The following DMD variants were observed in gnomAD, a reference collection of about 807,000 sequenced individuals.
DMD encodes dystrophin.
DMD carries 63 observed loss-of-function variants against 330.1 expected under a neutral mutation model. The observed-to-expected ratio is 0.19, with a 90% CI of 0.16 to 0.24. The LOEUF is 0.24. Ranked by LOEUF, DMD falls within the 10% of genes least tolerant of loss-of-function variation. The pLI, the probability that DMD is intolerant of heterozygous loss-of-function variation, is 1.00. For synonymous variants in DMD, 1,223 were observed against 959.8 expected, an observed-to-expected ratio of 1.27 and a Z score of -5.07; for missense variants, 3,344 against 2,684.1, an observed-to-expected ratio of 1.25 and a Z score of -5.43.
intron 44 of DMD, among the ~76,000 whole-genome samples, chrX:32,197,000 A>AAAAAAAAAAAAAAAAAAAAAC (rs1557206020): frequency 1.1e-5 from 1 of 93,901 alleles, no homozygotes. Flanking sequence ...AAAAAAAAAA[A>AAAAAAAAAAAAAAAAAAAAAC]AAAAACAAAA....
intron 55 of DMD, among the ~76,000 whole-genome samples, chrX:31,601,743 A>C (rs1603419145): frequency 8.9e-6 from 1 of 111,855 alleles, no homozygotes; most frequent in Non-Finnish European, 1.9e-5. Flanking sequence ...TATTAAAATA[A>C]ATTTTCCCAA....
At chrX:32,827,940 T>C (rs2078863417) in intron 4 of DMD, among the ~76,000 whole-genome samples, 1 of 111,364 alleles carries the variant, frequency 9.0e-6, no homozygotes, top group Non-Finnish European at 1.9e-5. Context: ...AGGTTACAGG[T>C]ATAAGCCACT....
intron 11 of DMD, among the ~76,000 whole-genome samples, chrX:32,626,393 G>A (rs1569335828): frequency 1.0e-5 from 1 of 97,041 alleles, no homozygotes; most frequent in African/African-American, 5.7e-5. Flanking sequence ...ACTTGAACCC[G>A]GGGGGACAGA....
intron 26 of DMD, among the ~76,000 whole-genome samples, chrX:32,454,252 C>T (rs918472269): frequency 9.0e-6 from 1 of 111,310 alleles, no homozygotes; most frequent in Admixed American, 9.5e-5. Context: ...TTTCCAAATT[C>T]TCAGAAATGC....
chrX:32,623,328 C>T (rs1446076808), intron 11 of DMD, among the ~76,000 whole-genome samples: 2 of 111,175 alleles, frequency 1.8e-5, no homozygotes, highest in Non-Finnish European at 3.8e-5. Flanking sequence ...GCACTGATAT[C>T]AGAAGGTGAG....
intron 1 of DMD, among the ~76,000 whole-genome samples, chrX:33,223,660 T>C (rs2052231079): frequency 8.9e-6 from 1 of 112,256 alleles, no homozygotes; most frequent in Non-Finnish European, 1.9e-5. Context: ...AGAAAATCTA[T>C]ATGGGTCTGG....
At chrX:31,937,485 G>T (rs1418701260) in intron 45 of DMD, among the ~76,000 whole-genome samples, 2 of 111,182 alleles carry the variant, frequency 1.8e-5, no homozygotes, top group Non-Finnish European at 3.8e-5. Context: ...AAAACATTTG[G>T]TAGTCATTTC....
At chrX:33,251,919 C>T (rs1162897902) in intron 1 of DMD, among the ~76,000 whole-genome samples, 3 of 112,043 alleles carry the variant, frequency 2.7e-5, no homozygotes, top group African/African-American at 9.7e-5. Context: ...GTTGGGGATA[C>T]CCTTAGAGCT....
intron 61 of DMD, among the ~76,000 whole-genome samples, chrX:31,324,688 T>C (rs776276806): frequency 8.9e-6 from 1 of 112,145 alleles, no homozygotes; most frequent in Non-Finnish European, 1.9e-5. Context: ...GAATTTTCAT[T>C]CTGCTAATAA....
chrX:32,335,908 CGTGTATATATGTATGTTAT>C (rs2097709549), intron 41 of DMD, among the ~76,000 whole-genome samples: 1 of 102,536 alleles, frequency 9.8e-6, no homozygotes, highest in African/African-American at 3.6e-5. Context: ...ATACATATAA[CGTGTATATATGTATGTTAT>C]ATATAACGTG....
chrX:32,362,822 A>G lies in DMD; in HGVS notation c.5291T>C (p.Phe1764Ser), dbSNP rs747367046. ...EPQISELNHR[F>S]AAISHRIKTG... is the part of the protein sequence containing the mutation. ...CTTAATTCTGTGTGAAATGGCTGCA[A>G]ATCGATGGTTGAGCTCTGAGATTTG... Residue 1764 changes from phenylalanine (F) to serine (S), a missense_variant, in exon 37 of 79, where the codon TTT becomes TCT. Physicochemically the swap from Phe to Ser is radical, Grantham distance 155. Transcript: ENST00000357033. 8.3e-7 allele frequency: 1 copy of G among 1,210,604 alleles called. No individual in the cohort carries two copies. Among genetic ancestry groups the G allele is most frequent in the Admixed American group, 2.2e-5 (1 of 45,860 alleles).
chrX:32,101,484 T>C (rs1335173760), intron 44 of DMD, among the ~76,000 whole-genome samples: 1 of 111,965 alleles, frequency 8.9e-6, no homozygotes, highest in Non-Finnish European at 1.9e-5. Context: ...ACCATTGCTA[T>C]TGTAACTATT....
chrX:32,842,814 ATTT>A (rs11304050), intron 4 of DMD, among the ~76,000 whole-genome samples: 1 of 104,583 alleles, frequency 9.6e-6, no homozygotes, highest in Admixed American at 1.0e-4. Flanking sequence ...AATTATTATT[ATTT>A]TTTTTTTTGA....
At chrX:31,207,992 G>A (rs760617775) in intron 65 of DMD, among the ~76,000 whole-genome samples, 1 of 111,079 alleles carries the variant, frequency 9.0e-6, no homozygotes, top group African/African-American at 3.3e-5. Flanking sequence ...ATAATACCCC[G>A]AAACCTAAAA....
intron 43 of DMD, among the ~76,000 whole-genome samples, chrX:32,276,790 G>T (rs944217346): frequency 6.3e-5 from 7 of 110,317 alleles, no homozygotes; most frequent in Admixed American, 1.9e-4. Context: ...CGTGATTGTG[G>T]GTGACTGTAA....
At chrX:31,175,443 G>A (rs966871393) in intron 71 of DMD, among the ~76,000 whole-genome samples, 2 of 110,539 alleles carry the variant, frequency 1.8e-5, no homozygotes, top group Non-Finnish European at 3.8e-5. Context: ...TATCAGTGGC[G>A]CCTATCACAG....
chrX:32,710,524 AAGTT>A (rs1441244809), intron 7 of DMD, among the ~76,000 whole-genome samples: 1 of 111,625 alleles, frequency 9.0e-6, no homozygotes, highest in Admixed American at 9.6e-5. Context: ...GATGATGACA[AAGTT>A]AGTACATTTT....
chrX:32,939,811 T>C (rs1240648219), intron 2 of DMD, among the ~76,000 whole-genome samples: 13 of 108,826 alleles, frequency 1.2e-4, no homozygotes, highest in Admixed American at 1.0e-3. Flanking sequence ...ATAATAGCCA[T>C]AAAAAATAAA....
intron 1 of DMD, among the ~76,000 whole-genome samples, chrX:33,163,518 AGAGT>A (rs1367628567): frequency 1.9e-5 from 2 of 107,702 alleles, no homozygotes; most frequent in Non-Finnish European, 3.8e-5. Flanking sequence ...CCTGGGCAAC[AGAGT>A]GAGACTCCAT....
Sources: allele counts gnomAD v4.1 joint callset (sites outside exome capture counted in the v4.1 genomes callset), GRCh38; gene constraint gnomAD v4.1.1; transcripts MANE v1.5; gene names NCBI Gene and HGNC (gene_info 2026-07-23, HGNC 2026-07-21).